Variants in ADAMTS18 observed in about 807,000 individuals in gnomAD.
ADAMTS18 encodes the protein A disintegrin and metalloproteinase with thrombospondin motifs 18.
Under a neutral mutation model 165.9 loss-of-function variants are expected in ADAMTS18, and 157 were observed. The observed-to-expected ratio is 0.95, with a 90% CI of 0.83 to 1.08. ADAMTS18 has a LOEUF of 1.08. ADAMTS18 is among the 50% of genes least tolerant of loss of function. The pLI, the probability that ADAMTS18 is intolerant of heterozygous loss-of-function variation, is 0.00. For missense variants in ADAMTS18, 2,040 were observed against 1,534.0 expected (o/e 1.33, Z -5.51); for synonymous variants, 782 against 578.2 (o/e 1.35, Z -5.06).
At chr16:77,364,736 GAA>G (rs1567515445) in intron 4 of ADAMTS18, among the ~76,000 whole-genome samples, 1 of 126,254 alleles carries the variant, frequency 7.9e-6, no homozygotes, top group Admixed American at 9.3e-5. Context: ...GAAAAAAAAA[GAA>G]AGAAAGAAAA....
chr16:77,397,939 G>A lies in ADAMTS18; in HGVS notation c.496-30216C>T, dbSNP rs763259296. Among the ~76,000 whole-genome samples the A allele has an allele frequency of 1.6e-4, 25 of 152,266 alleles. 2 individuals carry two copies. In the Middle Eastern group the frequency reaches 0.037, roughly 228 times the overall value. On this transcript the variant is annotated intron_variant, in intron 3 of 22. Transcript: ENST00000282849. Reference sequence around the variant, plus strand: ...CAGCAAAATTGCTTTACCTACTTGTGTATCCTCCCTGACCTTAGGATTTGA... The same window carrying A: ...CAGCAAAATTGCTTTACCTACTTGTATATCCTCCCTGACCTTAGGATTTGA...
At position 77,363,850 on chromosome 16, in the gene ADAMTS18, A is replaced by C. The variant is rs1317777704; in HGVS notation, c.1008T>G (p.Ser336Arg). The part of the protein sequence containing the change: ...SGLFKDGTIG[S>R]DINVVVVSLI... ...GGCTCACCACAACCACGTTTATGTC[A>C]CTTCCAATAGTCCCATCTTTAAATA... The change falls in exon 6 of 23, where the codon AGT becomes AGG. Residue 336 changes from serine to arginine, a missense_variant. By Grantham distance (110) the Ser-to-Arg change is moderately radical. Coordinates refer to ENST00000282849, the MANE Select transcript of ADAMTS18 (RefSeq NM_199355.4). The C allele has an allele frequency of 3.1e-6, 5 of 1,614,054 alleles. No individual in the cohort carries two copies. In the Admixed American group the frequency reaches 5.0e-5, roughly 16 times the overall value.
At chr16:77,297,177 C>T in intron 18 of ADAMTS18, 112 bp downstream of exon 18, 1 of 1,470,894 alleles carries the variant, frequency 6.8e-7, no homozygotes, top group Non-Finnish European at 9.5e-7. Flanking sequence ...TTGCGTCTAC[C>T]TTTGAATCAC....
At chr16:77,340,317 G>C (rs555612980) in intron 11 of ADAMTS18, among the ~76,000 whole-genome samples, 1 of 152,128 alleles carries the variant, frequency 6.6e-6, no homozygotes, top group South Asian at 2.1e-4. Flanking sequence ...TGGGATTTCA[G>C]GTGTGTGCCA....
chr16:77,348,828 C>T (rs754149676), intron 10 of ADAMTS18, among the ~76,000 whole-genome samples: 4 of 152,136 alleles, frequency 2.6e-5, no homozygotes, highest in Non-Finnish European at 4.4e-5. Context: ...ATGTTTAAAT[C>T]TCCCTGAGGA....
At chr16:77,328,231 C>T (rs1285158105) in intron 12 of ADAMTS18, among the ~76,000 whole-genome samples, 4 of 152,246 alleles carry the variant, frequency 2.6e-5, no homozygotes, top group South Asian at 2.1e-4. Context: ...CGCATAACAT[C>T]GTACCCAGCT....
At chr16:77,317,384 A>G (rs2055906486) in intron 16 of ADAMTS18, among the ~76,000 whole-genome samples, 1 of 152,206 alleles carries the variant, frequency 6.6e-6, no homozygotes, top group Non-Finnish European at 1.5e-5. Context: ...CCCAGGCTAG[A>G]GTGCAGTGAT....
At chr16:77,433,426 G>C (rs1365389475) in intron 2 of ADAMTS18, 1 of 152,260 alleles carries the variant, frequency 6.6e-6, no homozygotes, top group East Asian at 1.9e-4. Flanking sequence ...AGGGCAGTCA[G>C]TGTCCCCTGT....
chr16:77,422,634 A>G (rs539047313), intron 3 of ADAMTS18, among the ~76,000 whole-genome samples: 18 of 151,954 alleles, frequency 1.2e-4, no homozygotes, highest in Admixed American at 1.1e-3. Flanking sequence ...GAAGAAGGGA[A>G]GAAAGGAAAG....
At position 77,423,505 on chromosome 16, in the gene ADAMTS18, A is replaced by G. The variant is rs534059539; in HGVS notation, c.495+7790T>C. On this transcript the variant is annotated intron_variant, in intron 3 of 22. Coordinates refer to ENST00000282849, the MANE Select transcript of ADAMTS18 (RefSeq NM_199355.4). ...ATGCACATAGAATATTTTTCTTTCAATTAAGCATCCATAGCCCCCATGAGA... is the reference window on the plus strand; with the variant it reads ...ATGCACATAGAATATTTTTCTTTCAGTTAAGCATCCATAGCCCCCATGAGA... 1.8e-4 allele frequency among the ~76,000 whole-genome samples: 28 copies of G among 152,264 alleles called. 1 individual carries two copies. In the South Asian group the frequency reaches 5.8e-3, roughly 32 times the overall value.
rs531772000 is a variant in ADAMTS18, at chr16:77,426,358, T to G, written c.495+4937A>C. Among the ~76,000 whole-genome samples, 16 of 152,184 alleles carry G rather than the reference T, an allele frequency of 1.1e-4. No individual in the cohort carries two copies. In the South Asian group the frequency reaches 3.1e-3, roughly 30 times the overall value. On this transcript the variant is annotated intron_variant, in intron 3 of 22. Coordinates refer to ENST00000282849, the MANE Select transcript of ADAMTS18 (RefSeq NM_199355.4). ...GAGATGCTCCTTGGAAAAAAAAAAT[T>G]TCATTGGCCAAAGAAGTTAGGGAAA...
Position 77,291,302 on chromosome 16 carries a change from G to A in ADAMTS18, c.3366C>T (p.Asn1122=). 1.2e-6 allele frequency: 2 copies of A among 1,614,180 alleles called. No individual in the cohort carries two copies. Among genetic ancestry groups the A allele is most frequent in the Non-Finnish European group, 8.5e-7 (1 of 1,180,022 alleles). Residue 1122 remains asparagine (N), a synonymous_variant, in exon 21 of 23, where the codon AAC becomes AAT. Coordinates refer to ENST00000282849, the MANE Select transcript of ADAMTS18 (RefSeq NM_199355.4). ...RRACPAHPVY[N]MVAGWYSLPW... ...GCAATGAATACCATCCAGCTACCAT[G>A]TTGTACACTGGATGGGCTGGGCAAG... is the stretch of plus-strand genomic sequence containing the variant.
In ADAMTS18 at chr16:77,434,690, C is replaced by T. The variant is rs1420460629; in HGVS notation, c.6G>A (p.Glu2=). The change falls in exon 1 of 23, where the codon GAG becomes GAA. Residue 2 remains glutamate (E), a synonymous_variant. Transcript: ENST00000282849. ...AGGCACACGCGAGCAGGAGGGCGCA[C>T]TCCATGGTCAGGTGCGGACGCGGCG... The part of the protein sequence containing the change: M[E]CALLLACAFP... The T allele has an allele frequency of 6.8e-7, 1 of 1,468,736 alleles. No homozygotes were observed. Among genetic ancestry groups the T allele is most frequent in the Non-Finnish European group, 9.0e-7 (1 of 1,115,842 alleles). 91.0% of individuals were successfully genotyped at this position (1,468,736 alleles called of 1,614,324 possible). A position where few individuals can be genotyped will look rare whatever the true frequency, so the allele number is the denominator to read the frequency against.
At chr16:77,431,140 A>G (rs2057733995) in intron 3 of ADAMTS18, among the ~76,000 whole-genome samples, 155 bp downstream of exon 3, 1 of 152,212 alleles carries the variant, frequency 6.6e-6, no homozygotes, top group South Asian at 2.1e-4. Flanking sequence ...CTGGGAGCAC[A>G]TTAGATTAAT....
At chr16:77,298,941 G>C (rs1313616298) in intron 17 of ADAMTS18, among the ~76,000 whole-genome samples, 6 of 152,268 alleles carry the variant, frequency 3.9e-5, no homozygotes, top group Non-Finnish European at 5.9e-5. Context: ...GCAGGGCAAG[G>C]CGAGAATTTC....
At position 77,413,356 on chromosome 16, in the gene ADAMTS18, G is replaced by C. The variant is rs192057002; in HGVS notation, c.495+17939C>G. Among the ~76,000 whole-genome samples the C allele has an allele frequency of 5.9e-5, 9 of 152,348 alleles. No homozygotes were observed. The East Asian group carries it at 1.7e-3, about 29-fold the overall frequency. ...TATGGAAGAAACCACCTCTAGGGTA[G>C]AGTGCAGAAAAACCTTACTCCTGGG... On this transcript the variant is annotated intron_variant, in intron 3 of 22. Transcript: ENST00000282849.
intron 16 of ADAMTS18, among the ~76,000 whole-genome samples, chr16:77,319,375 C>T (rs1312001778): frequency 6.6e-6 from 1 of 152,206 alleles, no homozygotes; most frequent in Non-Finnish European, 1.5e-5. Context: ...TTCCTGTCCT[C>T]TTCCCCCAAA....
rs1555507097 is a variant in ADAMTS18 at position 77,282,906 on chromosome 16, CTTTTTTTTTTT to C, written c.*1039_*1049del. 1 of 77,582 alleles carries C rather than the reference CTTTTTTTTTTT, an allele frequency of 1.3e-5. No individual in the cohort carries two copies. Among genetic ancestry groups the C allele is most frequent in the Non-Finnish European group, 2.8e-5 (1 of 36,340 alleles). The allele number at this position is 77,582 out of a possible 1,614,324, so 4.8% of individuals were successfully genotyped here. ...CCACTGTTTACTCCTTTCTTTCTCTCTTTTTTTTTTTTTTTTTTTTGCTGTTAGCTCAATCC... is the reference window on the plus strand; with the variant it reads ...CCACTGTTTACTCCTTTCTTTCTCTCTTTTTTTTTGCTGTTAGCTCAATCC... On this transcript the variant is annotated 3_prime_UTR_variant, in exon 23 of 23. Coordinates refer to ENST00000282849, the MANE Select transcript of ADAMTS18 (RefSeq NM_199355.4).
intron 12 of ADAMTS18, among the ~76,000 whole-genome samples, chr16:77,329,355 G>T (rs2056149791): frequency 6.6e-6 from 1 of 152,000 alleles, no homozygotes; most frequent in South Asian, 2.1e-4. Flanking sequence ...CTTCTGCCTT[G>T]GCCTTCCCAA....
Sources: allele counts gnomAD v4.1 joint callset (sites outside exome capture counted in the v4.1 genomes callset), GRCh38; gene constraint gnomAD v4.1.1; transcripts MANE v1.5; gene names NCBI Gene and HGNC (gene_info 2026-07-23, HGNC 2026-07-21).